OGDHL: variants seen among roughly 807,000 people sequenced by gnomAD.
OGDHL encodes oxoglutarate dehydrogenase L, also known as 2-oxoglutarate dehydrogenase-like, mitochondrial.
In OGDHL, 79 loss-of-function variants were observed where a neutral mutation model predicts 109.6. The ratio of observed to expected loss-of-function variants is 0.72; its 90% CI spans 0.60 to 0.87. The LOEUF (loss-of-function observed/expected upper bound fraction) is 0.87. Among genes scored for constraint, OGDHL ranks in the 40% least tolerant of loss-of-function variants. The probability of loss-of-function intolerance (pLI) is 0.00; values close to 1 mark genes in which losing one functional copy is unlikely to be tolerated. For missense variants in OGDHL, 1,275 were observed against 1,362.2 expected, an observed-to-expected ratio of 0.94 and a Z score of 1.01; for synonymous variants, 528 against 537.2, an observed-to-expected ratio of 0.98 and a Z score of 0.24.
At position 49,752,116 on chromosome 10, in the gene OGDHL, C is replaced by G. The variant is rs777983583; in HGVS notation, c.594+17G>C. On this transcript the variant is annotated intron_variant, in intron 5 of 22. Transcript: ENST00000374103. Reference sequence around the variant, plus strand: ...AGAGCTGCTTCAGCTGCACCCCACACACCCGCCTGTGCTCACCTCCAGGCG... The same window carrying G: ...AGAGCTGCTTCAGCTGCACCCCACAGACCCGCCTGTGCTCACCTCCAGGCG... 6.2e-7 allele frequency: 1 copy of G among 1,612,232 alleles called. No homozygotes were observed. Among genetic ancestry groups the G allele is most frequent in the Non-Finnish European group, 8.5e-7 (1 of 1,178,442 alleles).
chr10:49,746,046 G>A, intron 10 of OGDHL, 69 bp from the exon 11 acceptor site: 3 of 1,543,012 alleles, frequency 1.9e-6, no homozygotes, highest in South Asian at 2.4e-5. Flanking sequence ...TGCCAGCCTT[G>A]GAGACTGAGC....
chr10:49,757,291 G>A (rs1274316111), intron 2 of OGDHL, among the ~76,000 whole-genome samples: 1 of 152,220 alleles, frequency 6.6e-6, no homozygotes, highest in African/African-American at 2.4e-5. Context: ...AGAAGAGGAT[G>A]TATGGCTGCT....
chr10:49,747,219 A>T lies in OGDHL; in HGVS notation c.988-11T>A. On this transcript the variant is annotated splice_polypyrimidine_tract_variant and intron_variant, in intron 8 of 22. Coordinates refer to ENST00000374103, the MANE Select transcript of OGDHL (RefSeq NM_018245.3). ...GACATCCCCGGAGCCCTGAAGGTGG[A>T]GATGGGAACATGATGGATCCTCCCC... 6.2e-7 allele frequency: 1 copy of T among 1,613,116 alleles called. No homozygotes were observed. The highest frequency in any genetic ancestry group is 8.5e-7 in the Non-Finnish European group (1 of 1,179,378).
intron 8 of OGDHL, among the ~76,000 whole-genome samples, chr10:49,748,172 T>C (rs1438263420): frequency 6.6e-6 from 1 of 152,136 alleles, no homozygotes; most frequent in East Asian, 1.9e-4. Flanking sequence ...CGCTCACACA[T>C]GTGCAAGGAC....
intron 15 of OGDHL, 78 bp downstream of exon 15, chr10:49,742,750 G>T: frequency 1.3e-6 from 2 of 1,507,388 alleles, no homozygotes; most frequent in Admixed American, 1.9e-5. Flanking sequence ...CCCAACAAAG[G>T]CCCCCTCGGG....
chr10:49,745,650 C>A lies in OGDHL; in HGVS notation c.1476+148G>T. The stretch of plus-strand genomic sequence containing the variant: ...CACCGAATGAATGTCCCGTCCCAGG[C>A]CTTTGCACAGATTGCTCTTGGTGGC... On this transcript the variant is annotated intron_variant, in intron 11 of 22. Transcript: ENST00000374103. 6 of 1,297,230 alleles carry A rather than the reference C, an allele frequency of 4.6e-6. No individual in the cohort carries two copies. The South Asian group carries it at 8.3e-5, about 18-fold the overall frequency. The allele number at this position is 1,297,230 out of a possible 1,614,324, so 80.4% of individuals were successfully genotyped here. A position where few individuals can be genotyped will look rare whatever the true frequency, so the allele number is the denominator to read the frequency against.
In OGDHL at chr10:49,738,297, C is replaced by G. The variant is rs377492094; in HGVS notation, c.2320-35G>C. On this transcript the variant is annotated intron_variant, in intron 17 of 22. Transcript: ENST00000374103. ...AACGCCAGACAGCCAAGGCTGGACC[C>G]CACCATGGGAAAGACATCTGGCCCT... 3,103 of 1,610,308 alleles carry G rather than the reference C, an allele frequency of 1.9e-3. 7 individuals carry two copies. The highest frequency in any genetic ancestry group is 2.0e-3 in the Non-Finnish European group (2,304 of 1,178,832).
chr10:49,761,637 G>A (rs569600554), intron 1 of OGDHL, among the ~76,000 whole-genome samples: 60 of 152,322 alleles, frequency 3.9e-4, no homozygotes, highest in African/African-American at 1.4e-3. Flanking sequence ...GGGTCTCTCC[G>A]GTTCGGCGAA....
rs894861207 is a variant in OGDHL, at chr10:49,746,741, C to G, written c.1296+9G>C. On this transcript the variant is annotated intron_variant, in intron 10 of 22. Transcript: ENST00000374103. Reference sequence around the variant, plus strand: ...GCTGTGAGGCCCAGCGTGGAGCCTACATGCTCACCTGGTTGTTGACGACGA... The same window carrying G: ...GCTGTGAGGCCCAGCGTGGAGCCTAGATGCTCACCTGGTTGTTGACGACGA... 1.2e-6 allele frequency: 2 copies of G among 1,613,886 alleles called. No homozygotes were observed. The highest frequency in any genetic ancestry group is 1.7e-6 in the Non-Finnish European group (2 of 1,179,886).
chr10:49,750,920 A>G lies in OGDHL; in HGVS notation c.815T>C (p.Val272Ala), dbSNP rs1365663996. The change falls in exon 7 of 23, where the codon GTG becomes GCG. Residue 272 changes from valine to alanine, a missense_variant. Val to Ala is a moderately conservative substitution (Grantham distance 64, BLOSUM62 0). Coordinates refer to ENST00000374103, the MANE Select transcript of OGDHL (RefSeq NM_018245.3). ...EKRFGLEGCE[V>A]MIPALKTIID... is the part of the protein sequence containing the mutation. ...GATGGTCTTGAGGGCAGGAATCATCACTTCACAGCCCTCCAGGCCAAACCG... is the reference window on the plus strand; with the variant it reads ...GATGGTCTTGAGGGCAGGAATCATCGCTTCACAGCCCTCCAGGCCAAACCG... The G allele has an allele frequency of 1.1e-5, 18 of 1,612,192 alleles. No homozygotes were observed. The highest frequency in any genetic ancestry group is 1.5e-5 in the Non-Finnish European group (18 of 1,179,100).
intron 15 of OGDHL, among the ~76,000 whole-genome samples, chr10:49,742,488 A>C (rs1590704240): frequency 3.4e-4 from 3 of 8,754 alleles, no homozygotes; most frequent in African/African-American, 6.9e-4. Context: ...CACTCCCCCC[A>C]CTCACCACAT....
chr10:49,758,358 C>A (rs200367635), intron 2 of OGDHL, 31 bp downstream of exon 2: 120 of 1,580,904 alleles, frequency 7.6e-5, no homozygotes, highest in Non-Finnish European at 9.6e-5. Context: ...CCCTCCCTTG[C>A]GGTGGCCCAG....
Position 49,742,827 on chromosome 10 carries a change from C to T in OGDHL, c.2012+1G>A, listed in dbSNP as rs1841879952. 7 of 1,612,224 alleles carry T rather than the reference C, an allele frequency of 4.3e-6. No individual in the cohort carries two copies. In the East Asian group the frequency reaches 1.6e-4, roughly 36 times the overall value. On this transcript the variant is annotated splice_donor_variant, in intron 15 of 22. Coordinates refer to ENST00000374103, the MANE Select transcript of OGDHL (RefSeq NM_018245.3). LOFTEE classifies it high-confidence loss of function. ...CGGATGCTGAGCCCCACTGCGCTCACCTGAATGTGCCCCTCTCCACATCCT... is the reference window on the plus strand; with the variant it reads ...CGGATGCTGAGCCCCACTGCGCTCATCTGAATGTGCCCCTCTCCACATCCT...
rs772878253 is a variant in OGDHL at position 49,736,080 on chromosome 10, T to C, written c.2852A>G (p.Tyr951Cys). Residue 951 changes from tyrosine (Y) to cysteine (C), a missense_variant, in exon 22 of 23, where the codon TAC (tyrosine) becomes TGC (cysteine). Transcript: ENST00000374103. The stretch of plus-strand genomic sequence containing the variant: ...GAAGCGTGGGCTGATGTAGTCATAG[T>C]AGCCCATGTTCTTGTGCTCCTCCTG... ...WCQEEHKNMG[Y>C]YDYISPRFMT... is the part of the protein sequence containing the mutation. The C allele has an allele frequency of 1.9e-6, 3 of 1,611,496 alleles. No homozygotes were observed. The highest frequency in any genetic ancestry group is 8.5e-7 in the Non-Finnish European group (1 of 1,178,696).
At chr10:49,742,077 CCCACACATA>C (rs1841735532) in intron 15 of OGDHL, among the ~76,000 whole-genome samples, 1 of 67,694 alleles carries the variant, frequency 1.5e-5, no homozygotes, top group South Asian at 6.4e-4. Flanking sequence ...CACCACACAC[CCCACACATA>C]CCACACAAAC....
At position 49,740,831 on chromosome 10, in the gene OGDHL, C is replaced by T; in HGVS notation, c.2019G>A (p.Arg673=). ...QDVERGTFSH[R]HHVLHDQEVD... ...CCTCCTGGTCATGGAGAACATGGTGCCGGTGACTGCAGAGACACAGACCGG... is the reference window on the plus strand; with the variant it reads ...CCTCCTGGTCATGGAGAACATGGTGTCGGTGACTGCAGAGACACAGACCGG... The change falls in exon 16 of 23, where the codon CGG becomes CGA. Residue 673 remains arginine, a synonymous_variant. Transcript: ENST00000374103. 3.1e-6 allele frequency: 5 copies of T among 1,613,840 alleles called. No homozygotes were observed. Among genetic ancestry groups the T allele is most frequent in the Non-Finnish European group, 4.2e-6 (5 of 1,179,808 alleles).
Position 49,762,310 on chromosome 10 carries a change from T to TGC in OGDHL, c.-75_-74dup, listed in dbSNP as rs1374004761. The TGC allele has an allele frequency of 4.0e-5, 6 of 151,848 alleles. No individual in the cohort carries two copies. Among genetic ancestry groups the TGC allele is most frequent in the Non-Finnish European group, 8.8e-5 (6 of 67,916 alleles). 9.4% of individuals were successfully genotyped at this position (151,848 alleles called of 1,614,324 possible). A position where few individuals can be genotyped will look rare whatever the true frequency, so the allele number is the denominator to read the frequency against. ...AGGTCAGGGGGCTGCGCGGAAGGGG[T>TGC]GCGCGCGCGCCGTGCCAATTACCTG... On this transcript the variant is annotated 5_prime_UTR_variant, in exon 1 of 23. Transcript: ENST00000374103.
At chr10:49,746,708 A>T in intron 10 of OGDHL, 42 bp downstream of exon 10, 1 of 1,606,014 alleles carries the variant, frequency 6.2e-7, no homozygotes, top group Non-Finnish European at 8.5e-7. Context: ...ATTTCCAGGG[A>T]TGCTGACGCT....
chr10:49,735,345 AAC>A lies in OGDHL; in HGVS notation c.2914_2915del (p.Val972TrpfsTer34), dbSNP rs1464210395. Reference protein sequence around the residue: ...ILRRARPIWYVGRDPAAAPAT... With the variant: ...ILRRARPIWYXGRDPAAAPAT... ...CTGGTGCAGCCGCTGGGTCCCGGCC[AAC>A]ATACCTGGAGGAGGAGAGACAAGCT... On this transcript the variant is annotated frameshift_variant, in exon 23 of 23. Transcript: ENST00000374103. LOFTEE classifies it high-confidence loss of function. The A allele has an allele frequency of 1.2e-6, 2 of 1,612,710 alleles. No individual in the cohort carries two copies. Among genetic ancestry groups the A allele is most frequent in the Non-Finnish European group, 1.7e-6 (2 of 1,179,722 alleles).
Sources: gnomAD v4.1 joint callset for allele counts (sites outside exome capture counted in the v4.1 genomes callset) on GRCh38, gnomAD v4.1.1 for gene constraint, MANE v1.5 for transcripts, NCBI Gene and HGNC (gene_info 2026-07-23, HGNC 2026-07-21) for gene names.